TNIP3: variants seen among roughly 807,000 people sequenced by gnomAD.
TNIP3 encodes the protein TNFAIP3 interacting protein 3.
Under a neutral mutation model 54.1 loss-of-function variants are expected in TNIP3, and 34 were observed. The observed-to-expected ratio is 0.63, with a 90% confidence interval of 0.48 to 0.84. TNIP3 has a LOEUF of 0.84. TNIP3 is among the 40% of genes least tolerant of loss of function. The pLI, the probability that TNIP3 is intolerant of heterozygous loss-of-function variation, is 0.00. For synonymous variants in TNIP3, 134 were observed against 136.8 expected (o/e 0.98, Z 0.14); for missense variants, 366 against 387.6 (o/e 0.94, Z 0.47).
chr4:121,213,868 T>C (rs1258426718), intron 2 of TNIP3, among the ~76,000 whole-genome samples: 2 of 152,126 alleles, frequency 1.3e-5, no homozygotes, highest in African/African-American at 2.4e-5. Context: ...GGATCATACA[T>C]GTTGAGTGGG....
At chr4:121,210,368 G>A (rs1359073880) in intron 2 of TNIP3, among the ~76,000 whole-genome samples, 2 of 152,020 alleles carry the variant, frequency 1.3e-5, no homozygotes, top group African/African-American at 4.8e-5. Context: ...GTCCCCTAAG[G>A]GAATATCTTC....
At chr4:121,137,798 G>A in intron 10 of TNIP3, 1 of 363,450 alleles carries the variant, frequency 2.8e-6, no homozygotes, top group South Asian at 2.1e-5. Context: ...CTCATCTTCA[G>A]CATTTTTAGA....
intron 2 of TNIP3, among the ~76,000 whole-genome samples, chr4:121,191,614 G>A (rs576205374): frequency 1.4e-4 from 21 of 152,124 alleles, no homozygotes; most frequent in African/African-American, 3.9e-4. Context: ...CTCTCAAATC[G>A]CTACCTGAAT....
At chr4:121,140,453 C>A (rs528152167) in intron 9 of TNIP3, among the ~76,000 whole-genome samples, 1 of 152,198 alleles carries the variant, frequency 6.6e-6, no homozygotes, top group African/African-American at 2.4e-5. Flanking sequence ...ACTGCCTTGC[C>A]TTTTTTAATT....
At chr4:121,174,452 T>C (rs1378369597) in intron 3 of TNIP3, among the ~76,000 whole-genome samples, 2 of 151,830 alleles carry the variant, frequency 1.3e-5, no homozygotes, top group African/African-American at 4.8e-5. Flanking sequence ...AGAAAGAACA[T>C]GTGCATATAA....
At chr4:121,169,493 G>A (rs1368754684) in intron 3 of TNIP3, among the ~76,000 whole-genome samples, 1 of 151,834 alleles carries the variant, frequency 6.6e-6, no homozygotes, top group Non-Finnish European at 1.5e-5. Context: ...ATTGCCTCCC[G>A]ACACTAGCTT....
At chr4:121,225,429 CT>C (rs1727215130) in intron 1 of TNIP3, among the ~76,000 whole-genome samples, 1 of 151,990 alleles carries the variant, frequency 6.6e-6, no homozygotes, top group African/African-American at 2.4e-5. Flanking sequence ...ATTTTTTCTT[CT>C]TGTTTTTTTC....
Position 121,154,604 on chromosome 4 carries a change from G to A in TNIP3, c.439C>T (p.Leu147Phe). ...ENKLLKGKNTLANKEKEHYEC... is the reference protein window; with the variant it reads ...ENKLLKGKNTFANKEKEHYEC... ...TAATGTTCCTTTTCCTTGTTCGCAAGAGTATTTTTTCCCTTTAAAAGTTTA... is the reference window on the plus strand; with the variant it reads ...TAATGTTCCTTTTCCTTGTTCGCAAAAGTATTTTTTCCCTTTAAAAGTTTA... The change falls in exon 5 of 11, where the codon CTT becomes TTT. Residue 147 changes from leucine (L) to phenylalanine (F), a missense_variant. Leu to Phe is a conservative substitution (Grantham distance 22, BLOSUM62 0). Transcript: ENST00000057513. 6.2e-7 allele frequency: 1 copy of A among 1,613,816 alleles called. No individual in the cohort carries two copies. Among genetic ancestry groups the A allele is most frequent in the Non-Finnish European group, 8.5e-7 (1 of 1,179,958 alleles).
Position 121,132,783 on chromosome 4 carries a change from C to T in TNIP3, c.947-121G>A, listed in dbSNP as rs1579354552. 1.5e-5 allele frequency: 12 copies of T among 775,598 alleles called. No individual in the cohort carries two copies. The East Asian group carries it at 3.2e-4, about 21-fold the overall frequency. The allele number at this position is 775,598 out of a possible 1,614,324, so 48.0% of individuals were successfully genotyped here. ...AAAAAAAAAAAAGTTATGTTATATTCATAAGCTCCCCACAAGTTTACACTG... is the reference window on the plus strand; with the variant it reads ...AAAAAAAAAAAAGTTATGTTATATTTATAAGCTCCCCACAAGTTTACACTG... On this transcript the variant is annotated intron_variant, in intron 10 of 10. Transcript: ENST00000057513.
At chr4:121,226,174 T>C (rs6851990) in intron 1 of TNIP3, among the ~76,000 whole-genome samples, 13 of 63,466 alleles carry the variant, frequency 2.0e-4, no homozygotes, top group Admixed American at 1.5e-3. Context: ...AAGAGAGAAA[T>C]AGACAAAGGG....
chr4:121,189,861 C>T (rs748687541), intron 2 of TNIP3, among the ~76,000 whole-genome samples: 9 of 152,162 alleles, frequency 5.9e-5, no homozygotes, highest in Non-Finnish European at 1.0e-4. Flanking sequence ...TTGGCTAGCT[C>T]CCTGTTTATT....
rs76688189 is a variant in TNIP3, at chr4:121,183,084, T to G, written c.69-288A>C. Among the ~76,000 whole-genome samples the G allele has an allele frequency of 5.1e-4, 77 of 152,338 alleles. 1 individual carries two copies. In the East Asian group the frequency reaches 6.6e-3, roughly 13 times the overall value. ...ATCGAACACTCACGGTGAGCCAGGT[T>G]CTTTCACGCATTTTCTTATTCAATG... On this transcript the variant is annotated intron_variant, in intron 2 of 12. Coordinates refer to the TNIP3 transcript ENST00000507879.
chr4:121,222,535 A>G (rs1376675687), intron 1 of TNIP3, among the ~76,000 whole-genome samples: 1 of 152,202 alleles, frequency 6.6e-6, no homozygotes, highest in Non-Finnish European at 1.5e-5. Flanking sequence ...GGAAAAGTCC[A>G]TAATGATTAA....
At chr4:121,188,361 AG>A (rs1725130608) in intron 2 of TNIP3, among the ~76,000 whole-genome samples, 2 of 151,988 alleles carry the variant, frequency 1.3e-5, no homozygotes, top group South Asian at 4.1e-4. Flanking sequence ...TGTTTTTCCC[AG>A]ACTAACATTG....
At chr4:121,168,891 C>A (rs1730919250), upstream of TNIP3, among the ~76,000 whole-genome samples, 1 of 152,308 alleles carries the variant, frequency 6.6e-6, no homozygotes. Context: ...TGATCTCTGA[C>A]TGTGTGTCAA....
At chr4:121,170,667 A>T (rs1224697484) in intron 3 of TNIP3, among the ~76,000 whole-genome samples, 2 of 152,074 alleles carry the variant, frequency 1.3e-5, no homozygotes, top group African/African-American at 2.4e-5. Context: ...TTTTAAAGGC[A>T]GAACTGTTGT....
chr4:121,155,123 C>T (rs1333598813), intron 4 of TNIP3, among the ~76,000 whole-genome samples: 2 of 151,924 alleles, frequency 1.3e-5, no homozygotes, highest in Non-Finnish European at 2.9e-5. Flanking sequence ...CCACCACGCC[C>T]GGCTAATTTT....
chr4:121,153,463 C>T (rs1309220193), intron 5 of TNIP3, among the ~76,000 whole-genome samples: 1 of 152,030 alleles, frequency 6.6e-6, no homozygotes, highest in South Asian at 2.1e-4. Flanking sequence ...TCCTTTAATG[C>T]ATTTGTGCAA....
chr4:121,222,960 C>A, intron 1 of TNIP3, among the ~76,000 whole-genome samples: 1 of 152,006 alleles, frequency 6.6e-6, no homozygotes, highest in Non-Finnish European at 1.5e-5. Context: ...CGCCCACCAC[C>A]ACGCCCGCCT....
Sources: gnomAD v4.1 joint callset for allele counts (sites outside exome capture counted in the v4.1 genomes callset) on GRCh38, gnomAD v4.1.1 for gene constraint, MANE v1.5 for transcripts, NCBI Gene and HGNC (gene_info 2026-07-23, HGNC 2026-07-21) for gene names.